Variants in THSD4 observed in about 807,000 individuals in gnomAD.
THSD4 encodes thrombospondin type 1 domain containing 4.
THSD4 carries 69 observed loss-of-function variants against 119.0 expected under a neutral mutation model. The observed-to-expected ratio is 0.58, with a 90% CI of 0.48 to 0.71. The LOEUF (loss-of-function observed/expected upper bound fraction) is 0.71, where lower values mean the gene tolerates loss of function less well. Among genes scored for constraint, THSD4 ranks in the 30% least tolerant of loss-of-function variants. The pLI, the probability that THSD4 is intolerant of heterozygous loss-of-function variation, is 0.00. For missense variants in THSD4, 1,393 were observed against 1,391.1 expected (o/e 1.00, Z -0.02); for synonymous variants, 524 against 540.4 (o/e 0.97, Z 0.42).
intron 3 of THSD4, among the ~76,000 whole-genome samples, chr15:71,210,242 C>T (rs1276641446): frequency 6.6e-6 from 1 of 152,114 alleles, no homozygotes; most frequent in Non-Finnish European, 1.5e-5. Flanking sequence ...CTCTAAGCCT[C>T]AGTTTTTCAT....
chr15:71,739,738 A>G (rs961946027), intron 11 of THSD4, among the ~76,000 whole-genome samples: 2 of 151,524 alleles, frequency 1.3e-5, no homozygotes, highest in East Asian at 1.9e-4. Context: ...GGAAGGCTGT[A>G]TCCCCCAGGA....
At chr15:71,343,867 C>T (rs1160220206) in intron 6 of THSD4, among the ~76,000 whole-genome samples, 2 of 151,670 alleles carry the variant, frequency 1.3e-5, no homozygotes, top group African/African-American at 4.8e-5. Flanking sequence ...CATGCACCAC[C>T]ACACCCAGCT....
chr15:71,097,600 C>A (rs928271276), intron 1 of THSD4, among the ~76,000 whole-genome samples: 1 of 149,432 alleles, frequency 6.7e-6, no homozygotes, highest in African/African-American at 2.5e-5. Context: ...AATGAGACAA[C>A]AAAGAAGCCT....
chr15:71,165,814 T>A (rs1596235154), intron 3 of THSD4, among the ~76,000 whole-genome samples: 1 of 152,012 alleles, frequency 6.6e-6, no homozygotes, highest in Admixed American at 6.6e-5. Context: ...GGCTGTTTGG[T>A]GGGCTTTCTA....
chr15:71,583,457 TG>T (rs1426534023), intron 7 of THSD4, among the ~76,000 whole-genome samples: 2 of 132,606 alleles, frequency 1.5e-5, no homozygotes, highest in Non-Finnish European at 3.5e-5. Context: ...TTTTGGGCTT[TG>T]TTTTTTTTTT....
chr15:71,487,330 T>G (rs1342860907), intron 7 of THSD4, among the ~76,000 whole-genome samples: 3 of 152,244 alleles, frequency 2.0e-5, no homozygotes, highest in Non-Finnish European at 4.4e-5. Flanking sequence ...GTTGTTTTCC[T>G]TAAGCACTGG....
intron 7 of THSD4, among the ~76,000 whole-genome samples, chr15:71,617,551 A>G (rs892768700): frequency 6.6e-6 from 1 of 152,190 alleles, no homozygotes; most frequent in Non-Finnish European, 1.5e-5. Flanking sequence ...TTTCATACTC[A>G]GCCGAACCCT....
intron 7 of THSD4, among the ~76,000 whole-genome samples, chr15:71,426,366 TG>T (rs2046867332): frequency 5.6e-4 from 4 of 7,098 alleles, no homozygotes; most frequent in Non-Finnish European, 4.0e-3. Context: ...TAAGTATAGC[TG>T]TGTGTGTGTG....
intron 7 of THSD4, among the ~76,000 whole-genome samples, chr15:71,659,564 C>T (rs189325855): frequency 5.9e-5 from 9 of 152,100 alleles, no homozygotes; most frequent in African/African-American, 2.2e-4. Flanking sequence ...AGGTGTGTGC[C>T]CTCGCACCTG....
chr15:71,144,778 G>A (rs1032553484), intron 2 of THSD4, among the ~76,000 whole-genome samples: 1 of 152,156 alleles, frequency 6.6e-6, no homozygotes, highest in Non-Finnish European at 1.5e-5. Context: ...CCTAGTAGCA[G>A]AGGAGGCACT....
At chr15:71,132,946 G>A (rs902639607) in intron 1 of THSD4, among the ~76,000 whole-genome samples, 1 of 152,208 alleles carries the variant, frequency 6.6e-6, no homozygotes, top group African/African-American at 2.4e-5. Flanking sequence ...TCCTCCCCTG[G>A]CCACCTGCTT....
rs58899291 is a variant in THSD4, at chr15:71,609,504, G to A, written c.1153-51026G>A. Among the ~76,000 whole-genome samples, 705 of 152,264 alleles carry A rather than the reference G, an allele frequency of 4.6e-3. 4 individuals carry two copies. The highest frequency in any genetic ancestry group is 0.015 in the African/African-American group (637 of 41,544). On this transcript the variant is annotated intron_variant, in intron 7 of 17. Transcript: ENST00000261862. ...GCCACATTGATCTGCTCTCTTGGAA[G>A]CCTGAAGAAGCCAGTAATCTCACTT... is the stretch of plus-strand genomic sequence containing the variant.
In THSD4 at chr15:71,256,668, A is replaced by C; in HGVS notation, c.968A>C (p.Asn323Thr). 6.2e-7 allele frequency: 1 copy of C among 1,614,106 alleles called. No individual in the cohort carries two copies. Among genetic ancestry groups the C allele is most frequent in the Non-Finnish European group, 8.5e-7 (1 of 1,179,984 alleles). ...GAGGTACAGTGTGCATCCTACAACA[A>C]CAAGCCATTCATGGGCCGGTTTTAT... ...IREVQCASYN[N>T]KPFMGRFYEW... The change falls in exon 6 of 18, where the codon AAC becomes ACC. Residue 323 changes from asparagine (N) to threonine (T), a missense_variant. By Grantham distance (65) the Asn-to-Thr change is moderately conservative (BLOSUM62 0). Transcript: ENST00000261862.
intron 8 of THSD4, among the ~76,000 whole-genome samples, chr15:71,673,376 T>C (rs1301230108): frequency 6.6e-6 from 1 of 152,226 alleles, no homozygotes; most frequent in Non-Finnish European, 1.5e-5. Flanking sequence ...GATTCTTCTC[T>C]CTTTTCTTCT....
intron 7 of THSD4, among the ~76,000 whole-genome samples, chr15:71,586,813 A>G (rs1289624349): frequency 6.6e-6 from 1 of 152,194 alleles, no homozygotes; most frequent in Admixed American, 6.5e-5. Flanking sequence ...AATTCTGCCT[A>G]CCACACTATT....
intron 7 of THSD4, among the ~76,000 whole-genome samples, chr15:71,482,799 C>T (rs1178149155): frequency 6.6e-6 from 1 of 151,366 alleles, no homozygotes; most frequent in East Asian, 2.0e-4. Context: ...GTTGGCCAGG[C>T]TGGTCTCAAA....
intron 7 of THSD4, among the ~76,000 whole-genome samples, chr15:71,587,728 C>A: frequency 8.5e-6 from 1 of 117,624 alleles, no homozygotes. Context: ...ACATATGTAA[C>A]TAACCTGCAC....
At chr15:71,403,005 C>T (rs892492320) in intron 6 of THSD4, among the ~76,000 whole-genome samples, 2 of 152,186 alleles carry the variant, frequency 1.3e-5, no homozygotes, top group Non-Finnish European at 2.9e-5. Flanking sequence ...ATCTTGAAAT[C>T]TCAATATCTC....
chr15:71,282,231 C>T (rs749131428), intron 6 of THSD4, among the ~76,000 whole-genome samples: 2 of 152,040 alleles, frequency 1.3e-5, no homozygotes, highest in Admixed American at 6.6e-5. Context: ...TGGACTATTG[C>T]GCATTTTCCC....
Sources: gnomAD v4.1 joint callset for allele counts (sites outside exome capture counted in the v4.1 genomes callset) on GRCh38, gnomAD v4.1.1 for gene constraint, MANE v1.5 for transcripts, NCBI Gene and HGNC (gene_info 2026-07-23, HGNC 2026-07-21) for gene names.